SH3RF1: variants seen among roughly 807,000 people sequenced by gnomAD.
SH3RF1 encodes the protein E3 ubiquitin-protein ligase SH3RF1.
SH3RF1 carries 32 observed loss-of-function variants against 74.0 expected under a neutral mutation model. The ratio of observed to expected loss-of-function variants is 0.43; its 90% confidence interval spans 0.33 to 0.58. The LOEUF is 0.58. SH3RF1 is among the 20% of genes least tolerant of loss of function. The pLI is 0.05. For synonymous variants in SH3RF1, 396 were observed against 439.6 expected (o/e 0.90, Z 1.24); for missense variants, 954 against 1,130.9 (o/e 0.84, Z 2.24).
intron 2 of SH3RF1, among the ~76,000 whole-genome samples, chr4:169,167,410 T>A (rs1734265760): frequency 1.3e-5 from 2 of 152,202 alleles, no homozygotes; most frequent in Admixed American, 6.5e-5. Flanking sequence ...AAGTTATATG[T>A]ACATTTACTC....
intron 2 of SH3RF1, among the ~76,000 whole-genome samples, chr4:169,205,693 T>A (rs1256112117): frequency 6.6e-6 from 1 of 152,212 alleles, no homozygotes; most frequent in Non-Finnish European, 1.5e-5. Context: ...GCAGGACTAA[T>A]AAATTTCTCT....
intron 2 of SH3RF1, among the ~76,000 whole-genome samples, chr4:169,251,784 A>G (rs1004818599): frequency 1.3e-5 from 2 of 152,242 alleles, no homozygotes; most frequent in African/African-American, 4.8e-5. Context: ...TCTGTTTCAG[A>G]AAACTGCTTC....
intron 8 of SH3RF1, among the ~76,000 whole-genome samples, chr4:169,119,092 TA>T (rs745765925): frequency 6.6e-6 from 1 of 151,994 alleles, no homozygotes; most frequent in African/African-American, 2.4e-5. Context: ...CCTCTAGAGT[TA>T]AACAAACAGA....
At chr4:169,162,659 C>G (rs1200262077) in intron 2 of SH3RF1, among the ~76,000 whole-genome samples, 1 of 152,206 alleles carries the variant, frequency 6.6e-6, no homozygotes, top group Non-Finnish European at 1.5e-5. Context: ...GAAATTAAGA[C>G]AAAACGTTGT....
intron 4 of SH3RF1, among the ~76,000 whole-genome samples, chr4:169,144,024 T>C (rs1274178480): frequency 1.3e-5 from 2 of 152,230 alleles, no homozygotes; most frequent in African/African-American, 2.4e-5. Flanking sequence ...GTTAGGTCTT[T>C]GTCCTCACTG....
At chr4:169,251,548 A>G (rs1440701904) in intron 2 of SH3RF1, among the ~76,000 whole-genome samples, 1 of 152,206 alleles carries the variant, frequency 6.6e-6, no homozygotes, top group Non-Finnish European at 1.5e-5. Context: ...TTGTCAATTC[A>G]TGGTTCACAA....
intron 2 of SH3RF1, among the ~76,000 whole-genome samples, chr4:169,225,885 G>A (rs557285295): frequency 1.3e-5 from 2 of 152,232 alleles, no homozygotes; most frequent in South Asian, 4.2e-4. Context: ...CAGAAGAGAT[G>A]AGCAGAGACA....
intron 2 of SH3RF1, among the ~76,000 whole-genome samples, chr4:169,164,038 G>A (rs2126969184): frequency 6.6e-6 from 1 of 152,256 alleles, no homozygotes; most frequent in Admixed American, 6.5e-5. Context: ...TTGCCTCCTT[G>A]GGGAAGCTTC....
intron 2 of SH3RF1, among the ~76,000 whole-genome samples, chr4:169,157,283 G>T (rs1374506623): frequency 6.6e-6 from 1 of 152,184 alleles, no homozygotes; most frequent in Admixed American, 6.5e-5. Flanking sequence ...AGCAGTGAGT[G>T]AACAGTCACA....
chr4:169,144,177 A>C (rs1358237486), intron 4 of SH3RF1, among the ~76,000 whole-genome samples: 3 of 152,244 alleles, frequency 2.0e-5, no homozygotes, highest in Non-Finnish European at 4.4e-5. Context: ...AAAGTGCTAT[A>C]TGAACATGAG....
At chr4:169,224,319 C>CT (rs1482438426) in intron 2 of SH3RF1, among the ~76,000 whole-genome samples, 8 of 125,938 alleles carry the variant, frequency 6.4e-5, no homozygotes, top group Admixed American at 6.2e-4. Flanking sequence ...ATCTAATTTC[C>CT]TATTTTTTTT....
intron 10 of SH3RF1, among the ~76,000 whole-genome samples, chr4:169,109,251 G>A (rs1390842618): frequency 6.6e-6 from 1 of 152,188 alleles, no homozygotes; most frequent in Non-Finnish European, 1.5e-5. Context: ...TACAATCTCA[G>A]CAAGCCACAG....
intron 10 of SH3RF1, among the ~76,000 whole-genome samples, chr4:169,110,539 A>G (rs951836294): frequency 9.9e-5 from 15 of 152,140 alleles, no homozygotes; most frequent in African/African-American, 3.6e-4. Context: ...CTGAGGTGGA[A>G]GGATTGCTTG....
chr4:169,122,438 C>T (rs3811815), intron 6 of SH3RF1, among the ~76,000 whole-genome samples, 172 bp from the exon 7 acceptor site: 28,782 of 152,100 alleles, frequency 0.19, 2,798 homozygotes, highest in African/African-American at 0.24. Flanking sequence ...CCTGCTTCTA[C>T]AAATTCATCT....
intron 6 of SH3RF1, among the ~76,000 whole-genome samples, chr4:169,125,194 T>C (rs752801844): frequency 8.5e-5 from 13 of 152,082 alleles, no homozygotes; most frequent in Non-Finnish European, 1.2e-4. Flanking sequence ...AGCATGGCCT[T>C]TGGGGTCAAA....
chr4:169,146,096 ATATAAAATGTTATATATTCTATATATTC>A (rs1308409992), intron 4 of SH3RF1, among the ~76,000 whole-genome samples: 10 of 126,678 alleles, frequency 7.9e-5, no homozygotes, highest in African/African-American at 3.2e-4. Flanking sequence ...TATATATTCT[ATATAAAATGTTATATATTCTATATATTC>A]TATATATTAT....
intron 2 of SH3RF1, among the ~76,000 whole-genome samples, chr4:169,187,805 C>T (rs532830730): frequency 6.6e-6 from 1 of 152,054 alleles, no homozygotes; most frequent in East Asian, 1.9e-4. Context: ...TTGTCCATCC[C>T]CCTGCAAATT....
intron 2 of SH3RF1, among the ~76,000 whole-genome samples, chr4:169,199,860 A>G (rs1231653314): frequency 6.6e-6 from 1 of 152,190 alleles, no homozygotes; most frequent in East Asian, 1.9e-4. Flanking sequence ...CATGTAAATT[A>G]ATCTACCAGT....
At position 169,269,124 on chromosome 4, in the gene SH3RF1, T is replaced by G. The variant is rs1731403485; in HGVS notation, c.89A>C (p.His30Pro). ...CAGCAAACATCGCTTGCAAAACGTA[T>G]GCTGGCAAGGCAAGACCTTCGCAGA... ...DASAKVLPCQ[H>P]TFCKRCLLGI... Residue 30 changes from histidine to proline, a missense_variant, in exon 2 of 12, where the codon CAT becomes CCT. By Grantham distance (77) the His-to-Pro change is moderately conservative. This residue lies in a region of SH3RF1 where 64 missense variants were observed against 101.9 expected (regional missense o/e 0.63). Transcript: ENST00000284637. 1 of 1,613,954 alleles carries G rather than the reference T, an allele frequency of 6.2e-7. No individual in the cohort carries two copies. Among genetic ancestry groups the G allele is most frequent in the Admixed American group, 1.7e-5 (1 of 60,008 alleles).
Sources: gnomAD v4.1 joint callset for allele counts (sites outside exome capture counted in the v4.1 genomes callset) on GRCh38, gnomAD v4.1.1 for gene constraint, gnomAD v4.1.1 regional missense constraint, MANE v1.5 for transcripts, NCBI Gene and HGNC (gene_info 2026-07-23, HGNC 2026-07-21) for gene names.